The following FIBCD1 variants were observed in gnomAD, a reference collection of about 807,000 sequenced individuals.
FIBCD1 encodes fibrinogen C domain containing 1, also known as fibrinogen C domain-containing protein 1.
Under a neutral mutation model 45.1 loss-of-function variants are expected in FIBCD1, and 47 were observed. The ratio of observed to expected loss-of-function variants is 1.04; its 90% CI spans 0.82 to 1.33. FIBCD1 has a LOEUF of 1.33. FIBCD1 is among the 40% of genes most tolerant of loss of function. The pLI, the probability that FIBCD1 is intolerant of heterozygous loss-of-function variation, is 0.00. For synonymous variants in FIBCD1, 313 were observed against 308.1 expected, an observed-to-expected ratio of 1.02 and a Z score of -0.17; for missense variants, 653 against 682.2, an observed-to-expected ratio of 0.96 and a Z score of 0.48.
At chr9:130,921,415 T>C (rs1329254791) in intron 4 of FIBCD1, among the ~76,000 whole-genome samples, 1 of 152,238 alleles carries the variant, frequency 6.6e-6, no homozygotes, top group East Asian at 1.9e-4. Flanking sequence ...TTGCTTCTGA[T>C]GGAGGCCCAA....
intron 4 of FIBCD1, among the ~76,000 whole-genome samples, chr9:130,915,362 C>T (rs1402841197): frequency 2.6e-5 from 4 of 152,216 alleles, no homozygotes; most frequent in East Asian, 1.9e-4. Flanking sequence ...AAACCACATA[C>T]GGCCGGCACT....
chr9:130,938,708 G>T lies in FIBCD1; in HGVS notation c.-101C>A. 2.9e-6 allele frequency: 2 copies of T among 688,982 alleles called. No homozygotes were observed. Among genetic ancestry groups the T allele is most frequent in the Non-Finnish European group, 3.8e-6 (2 of 528,450 alleles). The allele number at this position is 688,982 out of a possible 1,614,324, so 42.7% of individuals were successfully genotyped here. A position where few individuals can be genotyped will look rare whatever the true frequency, so the allele number is the denominator to read the frequency against. On this transcript the variant is annotated 5_prime_UTR_variant, in exon 1 of 7. Coordinates refer to ENST00000372338, the MANE Select transcript of FIBCD1 (RefSeq NM_032843.5). ...CGCGGGCGCGGGGCGCGCTCTGTCCGCCGGGTCCCCGCCTCTGTGCCCCGC... is the reference window on the plus strand; with the variant it reads ...CGCGGGCGCGGGGCGCGCTCTGTCCTCCGGGTCCCCGCCTCTGTGCCCCGC...
intron 5 of FIBCD1, among the ~76,000 whole-genome samples, chr9:130,911,250 G>GA (rs1171119778): frequency 2.0e-5 from 3 of 152,146 alleles, no homozygotes; most frequent in East Asian, 1.9e-4. Flanking sequence ...AACATCAGAA[G>GA]AAAAAAACTC....
upstream of FIBCD1, among the ~76,000 whole-genome samples, chr9:130,939,651 G>A (rs1832585009): frequency 6.6e-6 from 1 of 151,578 alleles, no homozygotes; most frequent in South Asian, 2.1e-4. Context: ...CTCCGCGCTC[G>A]GCCGCGCTCC....
At position 130,912,805 on chromosome 9, in the gene FIBCD1, A is replaced by AG. The variant is rs768354004; in HGVS notation, c.850-918dup. Among the ~76,000 whole-genome samples, 243 of 111,022 alleles carry AG rather than the reference A, an allele frequency of 2.2e-3. 1 individual carries two copies. Among genetic ancestry groups the AG allele is most frequent in the Non-Finnish European group, 1.5e-3 (91 of 58,888 alleles). 72.8% of individuals were successfully genotyped at this position (111,022 alleles called of 152,430 possible). On this transcript the variant is annotated intron_variant, in intron 4 of 6. Coordinates refer to ENST00000372338, the MANE Select transcript of FIBCD1 (RefSeq NM_032843.5). ...TTCGGTTTCCCCAATGGTCAAAGAA[A>AG]GGGGGGGCAGAGTCTTAATCTTTTT...
At chr9:130,907,921 A>G (rs927496533) in intron 5 of FIBCD1, among the ~76,000 whole-genome samples, 1 of 151,228 alleles carries the variant, frequency 6.6e-6, no homozygotes, top group Non-Finnish European at 1.5e-5. Context: ...AAAAAGAAAG[A>G]AAAGAAAAAC....
Position 130,903,938 on chromosome 9 carries a change from C to T in FIBCD1, c.*126G>A, listed in dbSNP as rs545416075. On this transcript the variant is annotated 3_prime_UTR_variant, in exon 7 of 7. Coordinates refer to ENST00000372338, the MANE Select transcript of FIBCD1 (RefSeq NM_032843.5). ...AGGGAGCTTCGTGTCAGGGATGGCC[C>T]GGCCCCTCCCTACTGGAGAGTGGGT... 137 of 1,306,992 alleles carry T rather than the reference C, an allele frequency of 1.0e-4. 2 individuals are homozygous for T. Among genetic ancestry groups the T allele is most frequent in the South Asian group, 5.9e-4 (46 of 78,400 alleles). 81.0% of individuals were successfully genotyped at this position (1,306,992 alleles called of 1,614,324 possible).
intron 2 of FIBCD1, among the ~76,000 whole-genome samples, chr9:130,925,615 C>T (rs1192134515): frequency 6.6e-6 from 1 of 152,198 alleles, no homozygotes; most frequent in Non-Finnish European, 1.5e-5. Context: ...CCATCCTTCA[C>T]CCCCGCCCCT....
Position 130,922,630 on chromosome 9 carries a change from C to T in FIBCD1, c.849+1114G>A, listed in dbSNP as rs973162388. ...CTGAACGGTCGAAACACCTCCTCCC[C>T]GTCCCTCTCCCCACTGCCCAAGGAT... On this transcript the variant is annotated intron_variant, in intron 4 of 6. Coordinates refer to ENST00000372338, the MANE Select transcript of FIBCD1 (RefSeq NM_032843.5). The surrounding 1 kb of genome is among the most constrained non-coding windows in gnomAD (Gnocchi z 4.5). Among the ~76,000 whole-genome samples the T allele has an allele frequency of 1.3e-5, 2 of 152,054 alleles. No individual in the cohort carries two copies. The highest frequency in any genetic ancestry group is 2.1e-4 in the South Asian group (1 of 4,820).
intron 4 of FIBCD1, among the ~76,000 whole-genome samples, chr9:130,916,123 C>G (rs117792245): frequency 0.028 from 4,291 of 152,156 alleles, 95 homozygotes; most frequent in Middle Eastern, 0.099. Flanking sequence ...TAGAGACGGG[C>G]TTTCACGATC....
At position 130,938,502 on chromosome 9, in the gene FIBCD1, C is replaced by T. The variant is rs762683300; in HGVS notation, c.72+34G>A. On this transcript the variant is annotated intron_variant, in intron 1 of 6. Transcript: ENST00000372338. ...CCCGAGCGGCCACCGCCTGGCCAGC[C>T]GCCCAGGCCCCGTGTCCCAGCGCCC... The T allele has an allele frequency of 3.4e-6, 5 of 1,463,508 alleles. No homozygotes were observed. In the African/African-American group the frequency reaches 5.9e-5, roughly 17 times the overall value. The allele number at this position is 1,463,508 out of a possible 1,614,324, so 90.7% of individuals were successfully genotyped here.
At chr9:130,918,058 C>T (rs888363895) in intron 4 of FIBCD1, among the ~76,000 whole-genome samples, 1 of 152,196 alleles carries the variant, frequency 6.6e-6, no homozygotes, top group African/African-American at 2.4e-5. Flanking sequence ...TGAGAGACGA[C>T]GCACAAGCCA....
At chr9:130,907,849 A>G (rs1831961032) in intron 5 of FIBCD1, among the ~76,000 whole-genome samples, 2 of 147,032 alleles carry the variant, frequency 1.4e-5, no homozygotes, top group South Asian at 4.4e-4. Context: ...CAGTGAGCTG[A>G]TATCATGCCA....
chr9:130,915,269 C>G (rs1318524274), intron 4 of FIBCD1, among the ~76,000 whole-genome samples: 2 of 152,218 alleles, frequency 1.3e-5, no homozygotes, highest in African/African-American at 4.8e-5. Context: ...CCCACCATCC[C>G]CCAGGGCTCC....
chr9:130,916,536 C>T (rs1422171034), intron 4 of FIBCD1, among the ~76,000 whole-genome samples: 1 of 152,238 alleles, frequency 6.6e-6, no homozygotes, highest in Non-Finnish European at 1.5e-5. Flanking sequence ...GGTGGGTCCT[C>T]CCAGCTTCCC....
At chr9:130,914,773 C>T (rs1487229568) in intron 4 of FIBCD1, among the ~76,000 whole-genome samples, 2 of 152,210 alleles carry the variant, frequency 1.3e-5, no homozygotes, top group Non-Finnish European at 2.9e-5. Flanking sequence ...TTACGTAACT[C>T]GCCAGACCCC....
Position 130,931,807 on chromosome 9 carries a change from C to A in FIBCD1, c.73-1761G>T, listed in dbSNP as rs537202477. ...CGAGCCTCCTGCCTTCCTCTCTGGG[C>A]CAGGCCCCTCCTATGATTGAATTTC... is the stretch of plus-strand genomic sequence containing the variant. On this transcript the variant is annotated intron_variant, in intron 1 of 6. Transcript: ENST00000372338. Among the ~76,000 whole-genome samples the A allele has an allele frequency of 3.9e-5, 6 of 152,354 alleles. No individual in the cohort carries two copies. In the South Asian group the frequency reaches 1.2e-3, roughly 32 times the overall value.
chr9:130,916,934 C>T (rs1832170906), intron 4 of FIBCD1, among the ~76,000 whole-genome samples: 1 of 152,136 alleles, frequency 6.6e-6, no homozygotes, highest in Admixed American at 6.5e-5. Context: ...CCCATCTCTA[C>T]TAAAAATACA....
intron 5 of FIBCD1, among the ~76,000 whole-genome samples, chr9:130,907,768 G>A (rs537058832): frequency 3.3e-5 from 5 of 151,986 alleles, no homozygotes; most frequent in South Asian, 2.1e-4. Flanking sequence ...GCGTGGTGGC[G>A]GGCGCCTGTA....
Sources: allele counts gnomAD v4.1 joint callset (sites outside exome capture counted in the v4.1 genomes callset), GRCh38; gene constraint gnomAD v4.1.1; non-coding constraint Gnocchi (gnomAD v3.1); transcripts MANE v1.5; gene names NCBI Gene and HGNC (gene_info 2026-07-23, HGNC 2026-07-21).